FIP1L1: variants seen among roughly 807,000 people sequenced by gnomAD.
FIP1L1 encodes the protein pre-mRNA 3'-end-processing factor FIP1.
Under a neutral mutation model 84.6 loss-of-function variants are expected in FIP1L1, and 21 were observed. The ratio of observed to expected loss-of-function variants is 0.25; its 90% CI spans 0.18 to 0.36. The LOEUF (loss-of-function observed/expected upper bound fraction) is 0.36, where lower values mean the gene tolerates loss of function less well. Among genes scored for constraint, FIP1L1 ranks in the 10% least tolerant of loss-of-function variants. The pLI, the probability that FIP1L1 is intolerant of heterozygous loss-of-function variation, is 1.00. For synonymous variants in FIP1L1, 263 were observed against 242.3 expected (o/e 1.09, Z -0.80); for missense variants, 526 against 751.1 (o/e 0.70, Z 3.50).
intron 13 of FIP1L1, among the ~76,000 whole-genome samples, chr4:53,432,398 C>CAAAAAAAAAAAAAAAAAAAAAAAA (rs35596754): frequency 1.5e-5 from 1 of 68,404 alleles, no homozygotes; most frequent in South Asian, 8.1e-4. Context: ...AACTCCATCT[C>CAAAAAAAAAAAAAAAAAAAAAAAA]AAAAAAAAAA....
intron 1 of FIP1L1, 197 bp downstream of exon 1, chr4:53,378,120 C>T (rs1735625405): frequency 6.3e-6 from 3 of 473,104 alleles, no homozygotes; most frequent in African/African-American, 6.1e-5. Context: ...CCACGCCCAC[C>T]ATGCGCATCC....
At chr4:53,444,681 A>G (rs551539220) in intron 15 of FIP1L1, among the ~76,000 whole-genome samples, 16 of 152,108 alleles carry the variant, frequency 1.1e-4, no homozygotes, top group African/African-American at 3.4e-4. Flanking sequence ...TGTAGCTTCA[A>G]CCTCCTGAAC....
chr4:53,435,018 T>C (rs1768484983), intron 13 of FIP1L1, among the ~76,000 whole-genome samples: 1 of 152,188 alleles, frequency 6.6e-6, no homozygotes, highest in Admixed American at 6.5e-5. Flanking sequence ...CTCAACAGAT[T>C]ACCTCAAATT....
At chr4:53,406,454 A>G (rs1298671379) in intron 10 of FIP1L1, among the ~76,000 whole-genome samples, 2 of 152,212 alleles carry the variant, frequency 1.3e-5, no homozygotes, top group Non-Finnish European at 2.9e-5. Context: ...CATCAGGGAT[A>G]TTGGTCTAAA....
intron 11 of FIP1L1, among the ~76,000 whole-genome samples, chr4:53,419,464 C>T (rs1266866654): frequency 6.6e-6 from 1 of 152,064 alleles, no homozygotes; most frequent in Non-Finnish European, 1.5e-5. Flanking sequence ...TTTTTCAAGA[C>T]AGAGTCTCAC....
intron 5 of FIP1L1, 137 bp downstream of exon 5, chr4:53,384,013 C>A: frequency 2.4e-6 from 2 of 829,362 alleles, no homozygotes; most frequent in Non-Finnish European, 3.6e-6. Flanking sequence ...GTTAAAGTTT[C>A]ATCATGAATA....
At chr4:53,445,529 A>G (rs749932573) in intron 15 of FIP1L1, among the ~76,000 whole-genome samples, 18 of 152,246 alleles carry the variant, frequency 1.2e-4, no homozygotes, top group Non-Finnish European at 2.5e-4. Context: ...AATCCAGATT[A>G]TATAGCATCT....
chr4:53,448,100 G>T (rs1328602314), intron 15 of FIP1L1, among the ~76,000 whole-genome samples: 1 of 152,074 alleles, frequency 6.6e-6, no homozygotes, highest in Admixed American at 6.6e-5. Flanking sequence ...AGTACATAAA[G>T]ATATTCTTTA....
chr4:53,452,018 C>T (rs993435671), intron 15 of FIP1L1, among the ~76,000 whole-genome samples: 1 of 151,402 alleles, frequency 6.6e-6, no homozygotes. Context: ...CGAGTAGCTG[C>T]GATTACAGGC....
chr4:53,446,993 T>A (rs1240882057), intron 15 of FIP1L1, among the ~76,000 whole-genome samples: 2 of 152,098 alleles, frequency 1.3e-5, no homozygotes, highest in African/African-American at 2.4e-5. Flanking sequence ...TCTTTAGTAA[T>A]AACAATTATA....
rs1398440661 is a variant in FIP1L1 at position 53,383,890 on chromosome 4, TAGTA to T, written c.332+20_332+23del. 1.2e-6 allele frequency: 2 copies of T among 1,607,782 alleles called. No individual in the cohort carries two copies. The highest frequency in any genetic ancestry group is 1.7e-6 in the Non-Finnish European group (2 of 1,177,492). On this transcript the variant is annotated intron_variant, in intron 5 of 17. Transcript: ENST00000337488. The stretch of plus-strand genomic sequence containing the variant: ...ACCACAGTATGGGTAAGTTATTTTT[TAGTA>T]AGTAACAATTGTGTAAATGCTATAT...
At chr4:53,414,770 A>C in intron 11 of FIP1L1, 48 bp downstream of exon 11, 1 of 1,236,770 alleles carries the variant, frequency 8.1e-7, no homozygotes, top group South Asian at 1.3e-5. Context: ...TTAGATCATC[A>C]ATGTTGTTAT....
intron 11 of FIP1L1, among the ~76,000 whole-genome samples, chr4:53,417,127 C>A (rs560159756): frequency 6.6e-6 from 1 of 152,214 alleles, no homozygotes; most frequent in East Asian, 1.9e-4. Flanking sequence ...CTTTTGGACA[C>A]CAGATGGCTA....
chr4:53,399,933 A>G (rs1271225453), intron 10 of FIP1L1, 94 bp downstream of exon 10: 15 of 818,244 alleles, frequency 1.8e-5, no homozygotes, highest in Non-Finnish European at 2.3e-5. Flanking sequence ...TGAATGTTTT[A>G]CCAAAAAACT....
chr4:53,455,164 G>A (rs774855516), intron 16 of FIP1L1, among the ~76,000 whole-genome samples: 1 of 152,140 alleles, frequency 6.6e-6, no homozygotes, highest in Non-Finnish European at 1.5e-5. Flanking sequence ...TGGCTGGTTT[G>A]TTCTTCTATC....
intron 9 of FIP1L1, among the ~76,000 whole-genome samples, chr4:53,392,413 C>G (rs73818708): frequency 6.2e-4 from 94 of 152,326 alleles, no homozygotes; most frequent in African/African-American, 2.2e-3. Flanking sequence ...GTACACAGTT[C>G]TATATAGATA....
chr4:53,380,975 G>A (rs182746483), intron 3 of FIP1L1, among the ~76,000 whole-genome samples: 26 of 151,898 alleles, frequency 1.7e-4, no homozygotes, highest in African/African-American at 3.6e-4. Flanking sequence ...TTTTAATTCC[G>A]CAATACACAA....
chr4:53,382,158 C>G, intron 3 of FIP1L1, 120 bp from the exon 4 acceptor site: 1 of 639,350 alleles, frequency 1.6e-6, no homozygotes, highest in Non-Finnish European at 2.7e-6. Flanking sequence ...TTTACCATTA[C>G]TGTCTCCAGT....
chr4:53,459,502 CTTG>C lies in FIP1L1; in HGVS notation c.*56_*58del, dbSNP rs767202241. ...AGTACCAGAAGTAGATACTATAAAT[CTTG>C]TTATTTTTCTGGATAATGTTTAAGA... is the stretch of plus-strand genomic sequence containing the variant. On this transcript the variant is annotated 3_prime_UTR_variant, in exon 18 of 18. Coordinates refer to ENST00000337488, the MANE Select transcript of FIP1L1 (RefSeq NM_030917.4). 26 of 1,607,822 alleles carry C rather than the reference CTTG, an allele frequency of 1.6e-5. No individual in the cohort carries two copies. The highest frequency in any genetic ancestry group is 2.0e-5 in the Non-Finnish European group (24 of 1,176,354).
Sources: allele counts gnomAD v4.1 joint callset (sites outside exome capture counted in the v4.1 genomes callset), GRCh38; gene constraint gnomAD v4.1.1; transcripts MANE v1.5; gene names NCBI Gene and HGNC (gene_info 2026-07-23, HGNC 2026-07-21).